Variants in COG5 observed in about 807,000 individuals in gnomAD.
The protein encoded by COG5 is component of oligomeric golgi complex 5.
COG5 carries 86 observed loss-of-function variants against 110.4 expected under a neutral mutation model. The ratio of observed to expected loss-of-function variants is 0.78; its 90% CI spans 0.65 to 0.93. COG5 has a LOEUF of 0.93. Among genes scored for constraint, COG5 ranks in the 40% least tolerant of loss-of-function variants. The pLI is 0.00. For synonymous variants in COG5, 360 were observed against 334.6 expected (o/e 1.08, Z -0.83); for missense variants, 1,077 against 987.0 (o/e 1.09, Z -1.22).
At chr7:107,399,935 G>A (rs1218054810) in intron 7 of COG5, among the ~76,000 whole-genome samples, 1 of 152,114 alleles carries the variant, frequency 6.6e-6, no homozygotes, top group Non-Finnish European at 1.5e-5. Context: ...ACAATCTGGA[G>A]GAACCAGAAC....
chr7:107,428,794 G>C lies in COG5; in HGVS notation c.539-16162C>G, dbSNP rs1793820174. Among the ~76,000 whole-genome samples, 3 of 152,280 alleles carry C rather than the reference G, an allele frequency of 2.0e-5. No individual in the cohort carries two copies. The South Asian group carries it at 6.2e-4, about 32-fold the overall frequency. ...GAAGTCAGTGAAGGTTCCACATGCA[G>C]AGCAGCTGCAGGATGAGCTGTTTAA... On this transcript the variant is annotated intron_variant, in intron 6 of 21. Coordinates refer to ENST00000297135, the MANE Select transcript of COG5 (RefSeq NM_006348.5).
At chr7:107,496,449 A>T (rs1443844237) in intron 6 of COG5, among the ~76,000 whole-genome samples, 1 of 152,124 alleles carries the variant, frequency 6.6e-6, no homozygotes, top group African/African-American at 2.4e-5. Context: ...ACTTGAGGTC[A>T]GCAGTTGGAG....
chr7:107,283,076 C>T (rs558475927), intron 13 of COG5, among the ~76,000 whole-genome samples: 10 of 152,306 alleles, frequency 6.6e-5, no homozygotes, highest in African/African-American at 2.4e-4. Context: ...GGTGGCACCT[C>T]TGCTAGGATA....
chr7:107,405,772 T>C (rs919706163), intron 7 of COG5, among the ~76,000 whole-genome samples: 1 of 152,164 alleles, frequency 6.6e-6, no homozygotes, highest in Non-Finnish European at 1.5e-5. Flanking sequence ...TATTAGAAGG[T>C]GTGGCCTTTG....
chr7:107,299,387 A>T (rs549934346), intron 11 of COG5, among the ~76,000 whole-genome samples: 1 of 152,234 alleles, frequency 6.6e-6, no homozygotes, highest in South Asian at 2.1e-4. Flanking sequence ...AAGGGTAATA[A>T]AGGAATTATG....
rs1245565284 is a variant in COG5, at chr7:107,253,796, C to T, written c.1749+2936G>A. On this transcript the variant is annotated intron_variant, in intron 16 of 21. Transcript: ENST00000297135. The stretch of plus-strand genomic sequence containing the variant: ...CCTCCTGGCTGTTCTGTGACTATTA[C>T]AAGCCTGTCCAATTCAGGTCTCTAT... Among the ~76,000 whole-genome samples the T allele has an allele frequency of 2.0e-5, 3 of 152,128 alleles. No homozygotes were observed. The East Asian group carries it at 5.8e-4, about 29-fold the overall frequency.
intron 5 of COG5, among the ~76,000 whole-genome samples, chr7:107,528,239 G>A (rs1239053626): frequency 1.3e-5 from 2 of 151,974 alleles, no homozygotes; most frequent in African/African-American, 2.4e-5. Context: ...CTACAGGCGT[G>A]TGCCACCATG....
intron 6 of COG5, among the ~76,000 whole-genome samples, chr7:107,463,926 T>C (rs142450450): frequency 1.8e-4 from 27 of 152,248 alleles, no homozygotes; most frequent in Admixed American, 7.2e-4. Context: ...CCTCAGTGCC[T>C]TCAGCCTACC....
chr7:107,517,420 C>G (rs1297513008), intron 6 of COG5, among the ~76,000 whole-genome samples: 1 of 152,166 alleles, frequency 6.6e-6, no homozygotes, highest in African/African-American at 2.4e-5. Flanking sequence ...GGAAAAGACT[C>G]TTCAGGATAT....
intron 10 of COG5, among the ~76,000 whole-genome samples, chr7:107,358,170 T>C (rs964442679): frequency 1.3e-5 from 2 of 152,252 alleles, no homozygotes; most frequent in Non-Finnish European, 2.9e-5. Flanking sequence ...TGTTTCATTA[T>C]AACTGTTCTT....
At chr7:107,388,882 T>C (rs1217324343) in intron 7 of COG5, among the ~76,000 whole-genome samples, 1 of 152,154 alleles carries the variant, frequency 6.6e-6, no homozygotes, top group African/African-American at 2.4e-5. Context: ...CCCGCAGCCC[T>C]GAACAATGCG....
chr7:107,230,009 C>T (rs1800667530), intron 19 of COG5, among the ~76,000 whole-genome samples: 1 of 151,856 alleles, frequency 6.6e-6, no homozygotes, highest in South Asian at 2.1e-4. Context: ...CACCACCATG[C>T]CCAGCTAATT....
At chr7:107,245,274 G>A (rs917562429) in intron 17 of COG5, among the ~76,000 whole-genome samples, 1 of 152,160 alleles carries the variant, frequency 6.6e-6, no homozygotes, top group African/African-American at 2.4e-5. Context: ...ATGGGCCAAA[G>A]CTGGAAGCAA....
intron 6 of COG5, among the ~76,000 whole-genome samples, chr7:107,492,723 C>G (rs1375285048): frequency 6.6e-6 from 1 of 152,088 alleles, no homozygotes; most frequent in African/African-American, 2.4e-5. Flanking sequence ...ATCACCTATC[C>G]ACTCTTCTGC....
chr7:107,310,265 C>T (rs557779522), intron 11 of COG5, among the ~76,000 whole-genome samples: 4 of 152,130 alleles, frequency 2.6e-5, no homozygotes, highest in South Asian at 2.1e-4. Context: ...ATTAATATAC[C>T]GATCACACAG....
At chr7:107,260,946 TTTG>T (rs1803288605) in intron 14 of COG5, among the ~76,000 whole-genome samples, 1 of 150,548 alleles carries the variant, frequency 6.6e-6, no homozygotes, top group African/African-American at 2.5e-5. Context: ...TCATAGTTTT[TTTG>T]TTTGTTTGTT....
chr7:107,558,200 T>C (rs1204296047), intron 1 of COG5, 85 bp from the exon 2 acceptor site: 8 of 1,400,858 alleles, frequency 5.7e-6, no homozygotes, highest in African/African-American at 1.4e-5. Flanking sequence ...ATAATCATAA[T>C]TAACATATTT....
intron 21 of COG5, among the ~76,000 whole-genome samples, chr7:107,205,563 G>A (rs1453552593): frequency 6.6e-6 from 1 of 152,198 alleles, no homozygotes; most frequent in Non-Finnish European, 1.5e-5. Flanking sequence ...AACAAAGTAG[G>A]GGGTGCCAAA....
intron 6 of COG5, among the ~76,000 whole-genome samples, chr7:107,421,320 A>T (rs1464438770): frequency 6.6e-6 from 1 of 152,182 alleles, no homozygotes; most frequent in African/African-American, 2.4e-5. Context: ...ATCAGCAGGG[A>T]TATATAAACA....
Sources: gnomAD v4.1 joint callset for allele counts (sites outside exome capture counted in the v4.1 genomes callset) on GRCh38, gnomAD v4.1.1 for gene constraint, MANE v1.5 for transcripts, NCBI Gene and HGNC (gene_info 2026-07-23, HGNC 2026-07-21) for gene names.